Variants in EYS observed in about 807,000 individuals in gnomAD.
EYS encodes EGF-like photoreceptor maintenance factor.
Under a neutral mutation model 282.1 loss-of-function variants are expected in EYS, and 250 were observed. The ratio of observed to expected loss-of-function variants is 0.89; its 90% CI spans 0.80 to 0.98. The LOEUF (loss-of-function observed/expected upper bound fraction) is 0.98. Among genes scored for constraint, EYS ranks in the 50% least tolerant of loss-of-function variants. The pLI, the probability that EYS is intolerant of heterozygous loss-of-function variation, is 0.00. For synonymous variants in EYS, 1,355 were observed against 1,282.9 expected, an observed-to-expected ratio of 1.06 and a Z score of -1.20; for missense variants, 4,016 against 3,709.0, an observed-to-expected ratio of 1.08 and a Z score of -2.15.
At chr6:65,338,746 A>G (rs1048733428) in intron 10 of EYS, among the ~76,000 whole-genome samples, 4 of 151,152 alleles carry the variant, frequency 2.6e-5, no homozygotes, top group African/African-American at 4.8e-5. Context: ...CCCAAAGGAA[A>G]CAGAAGTAAA....
chr6:64,826,508 C>T (rs1287441403), intron 19 of EYS, among the ~76,000 whole-genome samples: 1 of 151,622 alleles, frequency 6.6e-6, no homozygotes, highest in African/African-American at 2.4e-5. Flanking sequence ...ACTAGTCCGC[C>T]TCAACATCTG....
At position 65,605,009 on chromosome 6, in the gene EYS, A is replaced by ATTTT. The variant is rs10626958; in HGVS notation, c.-333+34765_-333+34768dup. On this transcript the variant is annotated intron_variant, in intron 2 of 42. Transcript: ENST00000503581. The stretch of plus-strand genomic sequence containing the variant: ...AACATATGGCCGACCATGCCCAGCT[A>ATTTT]TTTTTTTTTTTTTTTGTAGAGACGG... Among the ~76,000 whole-genome samples, 4 of 136,708 alleles carry ATTTT rather than the reference A, an allele frequency of 2.9e-5. 2 individuals are homozygous for ATTTT. Among genetic ancestry groups the ATTTT allele is most frequent in the African/African-American group, 5.5e-5 (2 of 36,428 alleles). 89.7% of individuals were successfully genotyped at this position (136,708 alleles called of 152,430 possible).
intron 1 of EYS, among the ~76,000 whole-genome samples, chr6:65,659,767 CTATTT>C (rs1767942420): frequency 1.3e-5 from 2 of 151,808 alleles, no homozygotes; most frequent in South Asian, 4.1e-4. Context: ...TATGAACTTA[CTATTT>C]TATTTATTTA....
intron 18 of EYS, among the ~76,000 whole-genome samples, chr6:64,898,257 C>T (rs183530287): frequency 3.8e-4 from 58 of 152,266 alleles, no homozygotes; most frequent in African/African-American, 1.2e-3. Flanking sequence ...GCGGATCTTT[C>T]TGCAGAAAAC....
chr6:65,374,951 G>A (rs991619302), intron 8 of EYS, among the ~76,000 whole-genome samples: 43 of 152,252 alleles, frequency 2.8e-4, no homozygotes, highest in Admixed American at 2.6e-4. Context: ...GGCTGTGGTC[G>A]CAGCTTCAGT....
rs373199118 is a variant in EYS at position 65,650,993 on chromosome 6, T to C, written c.-447-11101A>G. The stretch of plus-strand genomic sequence containing the variant: ...GAGCTGCAAGAAAATGGGACTGAAT[T>C]CACTTATGTTTTGAAAATGAAAGTG... On this transcript the variant is annotated intron_variant, in intron 1 of 42. Transcript: ENST00000503581. Among the ~76,000 whole-genome samples, 20 of 152,278 alleles carry C rather than the reference T, an allele frequency of 1.3e-4. No individual in the cohort carries two copies. The East Asian group carries it at 3.7e-3, about 28-fold the overall frequency.
chr6:65,083,629 ATTATCT>A (rs1413854101), intron 12 of EYS, among the ~76,000 whole-genome samples: 1 of 151,710 alleles, frequency 6.6e-6, no homozygotes, highest in Admixed American at 6.6e-5. Flanking sequence ...TTTCCTAATC[ATTATCT>A]TTATTTCCTC....
intron 22 of EYS, among the ~76,000 whole-genome samples, chr6:64,705,322 G>A (rs528733840): frequency 6.6e-6 from 1 of 152,086 alleles, no homozygotes; most frequent in South Asian, 2.1e-4. Flanking sequence ...ACTGCTGAAG[G>A]AAATCATAGA....
intron 31 of EYS, among the ~76,000 whole-genome samples, chr6:64,130,210 G>A (rs1275296937): frequency 6.6e-6 from 1 of 152,158 alleles, no homozygotes; most frequent in Non-Finnish European, 1.5e-5. Context: ...ATTCACAATA[G>A]CAAAGACTTG....
At chr6:64,750,300 G>C (rs1772702353) in intron 22 of EYS, among the ~76,000 whole-genome samples, 1 of 151,600 alleles carries the variant, frequency 6.6e-6, no homozygotes, top group Non-Finnish European at 1.5e-5. Context: ...ATTGGACATA[G>C]ATCTAAGGAG....
intron 31 of EYS, among the ~76,000 whole-genome samples, chr6:64,210,692 G>A (rs185072766): frequency 5.9e-5 from 9 of 152,196 alleles, no homozygotes; most frequent in African/African-American, 7.2e-5. Flanking sequence ...TCTCAATGGC[G>A]TCAATTTGAC....
intron 29 of EYS, among the ~76,000 whole-genome samples, chr6:64,327,941 T>C (rs1444160653): frequency 1.3e-5 from 2 of 152,074 alleles, no homozygotes; most frequent in Non-Finnish European, 2.9e-5. Context: ...AGGGAGGAAC[T>C]CCAGGGGGAT....
intron 5 of EYS, among the ~76,000 whole-genome samples, chr6:65,460,847 C>T (rs748466391): frequency 2.6e-5 from 4 of 152,000 alleles, no homozygotes; most frequent in Admixed American, 6.6e-5. Context: ...TCCATTAACA[C>T]GATGCATTAC....
chr6:63,863,675 C>CTTTTCTT (rs1772597256), intron 36 of EYS, among the ~76,000 whole-genome samples: 19 of 60,056 alleles, frequency 3.2e-4, no homozygotes, highest in African/African-American at 1.0e-3. Flanking sequence ...TTTCTTTTTT[C>CTTTTCTT]TTTTTTTTTT....
At position 65,687,836 on chromosome 6, in the gene EYS, C is replaced by T. The variant is rs554582931; in HGVS notation, c.-448+19299G>A. On this transcript the variant is annotated intron_variant, in intron 1 of 42. Transcript: ENST00000503581. ...ATGAGTGAACTCCCATTCACAATTG[C>T]TTCAAAGAGAATAAAATACCTAGGA... 2.6e-5 allele frequency among the ~76,000 whole-genome samples: 4 copies of T among 152,206 alleles called. No homozygotes were observed. In the South Asian group the frequency reaches 6.2e-4, roughly 24 times the overall value.
chr6:64,743,857 T>C (rs1772457982), intron 22 of EYS, among the ~76,000 whole-genome samples: 1 of 152,086 alleles, frequency 6.6e-6, no homozygotes, highest in Non-Finnish European at 1.5e-5. Flanking sequence ...AAGGGGGAAA[T>C]GATACCAAAG....
chr6:65,586,862 G>T (rs1765066995), intron 2 of EYS, among the ~76,000 whole-genome samples: 1 of 151,942 alleles, frequency 6.6e-6, no homozygotes, highest in South Asian at 2.1e-4. Flanking sequence ...TTAACTAGAT[G>T]TATTTTTTCT....
intron 35 of EYS, among the ~76,000 whole-genome samples, chr6:63,864,823 A>C (rs1226555732): frequency 1.3e-5 from 2 of 152,214 alleles, no homozygotes; most frequent in Non-Finnish European, 2.9e-5. Flanking sequence ...TAATTCTGAA[A>C]ATAAGACACA....
At chr6:65,199,923 G>GT (rs1248258539) in intron 12 of EYS, among the ~76,000 whole-genome samples, 1 of 152,082 alleles carries the variant, frequency 6.6e-6, no homozygotes, top group African/African-American at 2.4e-5. Context: ...ATTCTACAGA[G>GT]TTTACATTGA....
Sources: gnomAD v4.1 joint callset for allele counts (sites outside exome capture counted in the v4.1 genomes callset) on GRCh38, gnomAD v4.1.1 for gene constraint, MANE v1.5 for transcripts, NCBI Gene and HGNC (gene_info 2026-07-23, HGNC 2026-07-21) for gene names.